The following LINGO2 variants were observed in gnomAD, a reference collection of about 807,000 sequenced individuals.
LINGO2 encodes leucine rich repeat and Ig domain containing 2, also known as leucine-rich repeat and immunoglobulin-like domain-containing nogo receptor-interacting protein 2.
In LINGO2, 14 loss-of-function variants were observed where a neutral mutation model predicts 30.6. The ratio of observed to expected loss-of-function variants is 0.46; its 90% CI spans 0.30 to 0.72. The LOEUF is 0.72. Among genes scored for constraint, LINGO2 ranks in the 30% least tolerant of loss-of-function variants. The pLI is 0.07. For missense variants in LINGO2, 729 were observed against 751.7 expected, an observed-to-expected ratio of 0.97 and a Z score of 0.35; for synonymous variants, 317 against 288.5, an observed-to-expected ratio of 1.10 and a Z score of -1.00.
chr9:28,344,113 GA>G (rs1819471018), intron 3 of LINGO2, among the ~76,000 whole-genome samples: 1 of 152,042 alleles, frequency 6.6e-6, no homozygotes, highest in Non-Finnish European at 1.5e-5. Flanking sequence ...AAACATTAAT[GA>G]TTCAGTAAAT....
rs540609529 is a variant in LINGO2 at position 28,061,468 on chromosome 9, G to C, written c.-86-49063C>G. ...TTTTTTGTTTATGTGCAGAAATAGA[G>C]GAATGTAATAAAATATCATTCATCA... On this transcript the variant is annotated intron_variant, in intron 4 of 5. Transcript: ENST00000379992. Among the ~76,000 whole-genome samples the C allele has an allele frequency of 3.3e-5, 5 of 151,482 alleles. No individual in the cohort carries two copies. The South Asian group carries it at 6.3e-4, about 19-fold the overall frequency.
intron 2 of LINGO2, among the ~76,000 whole-genome samples, chr9:28,411,986 G>T (rs1337149112): frequency 2.0e-5 from 3 of 151,808 alleles, no homozygotes; most frequent in African/African-American, 7.3e-5. Context: ...GTGGATTTTG[G>T]TTACATGGAT....
intron 4 of LINGO2, among the ~76,000 whole-genome samples, chr9:28,053,762 C>T (rs550607191): frequency 2.0e-5 from 3 of 152,100 alleles, no homozygotes; most frequent in East Asian, 1.9e-4. Flanking sequence ...TTTAAAAGAA[C>T]GTAAATAGAG....
At chr9:28,761,594 A>G in the LINGO2 span, among the ~76,000 whole-genome samples, 2 of 151,974 alleles carry the variant, frequency 1.3e-5, no homozygotes, top group Non-Finnish European at 2.9e-5. Context: ...GAAGAAGATA[A>G]TGTCATCATG....
chr9:29,104,867 C>A, the LINGO2 span, among the ~76,000 whole-genome samples: 1 of 151,994 alleles, frequency 6.6e-6, no homozygotes, highest in Non-Finnish European at 1.5e-5. Flanking sequence ...GCAATTTTCC[C>A]TAAAAGATAA....
intron 3 of LINGO2, among the ~76,000 whole-genome samples, chr9:28,311,814 A>T (rs560209801): frequency 8.5e-5 from 13 of 152,334 alleles, no homozygotes; most frequent in African/African-American, 2.4e-4. Flanking sequence ...GCTTACGAAG[A>T]TGATGGGATT....
intron 1 of LINGO2, among the ~76,000 whole-genome samples, chr9:28,502,090 A>T (rs376266833): frequency 9.3e-5 from 14 of 151,338 alleles, no homozygotes; most frequent in African/African-American, 3.4e-4. Context: ...GATAATGCAC[A>T]TTGCAGGTTT....
At chr9:28,813,834 G>T in the LINGO2 span, among the ~76,000 whole-genome samples, 4 of 152,276 alleles carry the variant, frequency 2.6e-5, no homozygotes, top group Non-Finnish European at 5.9e-5. Flanking sequence ...CCATGCAAAG[G>T]GTTAGTGAGA....
At chr9:29,167,539 G>C in the LINGO2 span, among the ~76,000 whole-genome samples, 2 of 152,104 alleles carry the variant, frequency 1.3e-5, no homozygotes. Context: ...TTCCTTAAAA[G>C]AAAGAAGTAT....
intron 5 of LINGO2, among the ~76,000 whole-genome samples, chr9:28,001,233 G>A (rs1244095636): frequency 2.0e-5 from 3 of 152,126 alleles, no homozygotes; most frequent in Admixed American, 6.5e-5. Flanking sequence ...TCTGATTGAA[G>A]CAGCCAGCTT....
chr9:29,192,755 G>C, the LINGO2 span, among the ~76,000 whole-genome samples: 1 of 152,052 alleles, frequency 6.6e-6, no homozygotes, highest in African/African-American at 2.4e-5. Context: ...TAAAAACCCA[G>C]GCAGGGTCAT....
At chr9:29,007,310 TC>T in the LINGO2 span, among the ~76,000 whole-genome samples, 1 of 152,096 alleles carries the variant, frequency 6.6e-6, no homozygotes, top group Non-Finnish European at 1.5e-5. Flanking sequence ...ATTTAGTACA[TC>T]CAGATGTAAA....
intron 1 of LINGO2, among the ~76,000 whole-genome samples, chr9:28,557,381 C>A (rs961025732): frequency 6.6e-6 from 1 of 152,040 alleles, no homozygotes; most frequent in Admixed American, 6.6e-5. Context: ...ATGCAGCCAA[C>A]AGACACATGA....
the LINGO2 span, among the ~76,000 whole-genome samples, chr9:29,148,606 A>G: frequency 3.9e-5 from 6 of 152,196 alleles, no homozygotes; most frequent in African/African-American, 1.4e-4. Flanking sequence ...AATTTGGACT[A>G]TTCCTTACAT....
the LINGO2 span, among the ~76,000 whole-genome samples, chr9:28,838,225 G>C: frequency 6.6e-6 from 1 of 152,164 alleles, no homozygotes; most frequent in Non-Finnish European, 1.5e-5. Context: ...AAGCAGATAT[G>C]AGAGTCCAAC....
At chr9:28,317,311 A>C (rs1004119074) in intron 3 of LINGO2, among the ~76,000 whole-genome samples, 4 of 152,140 alleles carry the variant, frequency 2.6e-5, no homozygotes, top group Admixed American at 2.6e-4. Flanking sequence ...TGTTTATCTC[A>C]GTTGGAGAGC....
intron 1 of LINGO2, among the ~76,000 whole-genome samples, chr9:28,613,497 A>G (rs889667509): frequency 2.0e-5 from 3 of 152,002 alleles, no homozygotes; most frequent in African/African-American, 7.2e-5. Context: ...ACACACACAC[A>G]CACATATATT....
intron 1 of LINGO2, among the ~76,000 whole-genome samples, chr9:28,638,062 G>C (rs1029272862): frequency 3.9e-5 from 6 of 152,108 alleles, no homozygotes; most frequent in Non-Finnish European, 7.4e-5. Context: ...GGCCTTTTCT[G>C]CATCTATTGA....
chr9:28,641,811 G>A (rs1827600724), intron 1 of LINGO2, among the ~76,000 whole-genome samples: 2 of 152,164 alleles, frequency 1.3e-5, no homozygotes, highest in African/African-American at 2.4e-5. Context: ...GTGGAGAGAA[G>A]GAAAGCAAGT....
Sources: allele counts gnomAD v4.1 joint callset (sites outside exome capture counted in the v4.1 genomes callset), GRCh38; gene constraint gnomAD v4.1.1; transcripts MANE v1.5; gene names NCBI Gene and HGNC (gene_info 2026-07-23, HGNC 2026-07-21).